The following TAS2R1 variants were observed in gnomAD, a reference collection of about 807,000 sequenced individuals.
TAS2R1 encodes the protein taste 2 receptor member 1.
For missense variants in TAS2R1, 370 were observed against 353.4 expected, an observed-to-expected ratio of 1.05 and a Z score of -0.38; for synonymous variants, 141 against 134.2, an observed-to-expected ratio of 1.05 and a Z score of -0.35.
chr5:9,737,503 G>C, the TAS2R1 span, among the ~76,000 whole-genome samples: 1 of 152,178 alleles, frequency 6.6e-6, no homozygotes, highest in Non-Finnish European at 1.5e-5. Context: ...GTTTTTGACA[G>C]ATGTCAGTCA....
At chr5:9,845,764 C>T in the TAS2R1 span, among the ~76,000 whole-genome samples, 25 of 152,290 alleles carry the variant, frequency 1.6e-4, no homozygotes, top group African/African-American at 4.6e-4. Context: ...GCAAAGTGTC[C>T]GCCAAATGCA....
the TAS2R1 span, among the ~76,000 whole-genome samples, chr5:9,778,159 C>A: frequency 5.9e-5 from 9 of 151,288 alleles, no homozygotes; most frequent in African/African-American, 1.9e-4. Flanking sequence ...GGATTACAGG[C>A]GTGAGCCACC....
intron 2 of TAS2R1, among the ~76,000 whole-genome samples, chr5:9,646,521 C>T (rs1038655614): frequency 1.3e-5 from 2 of 152,198 alleles, no homozygotes; most frequent in African/African-American, 2.4e-5. Context: ...TGCCCTGGTC[C>T]AAACTCAAAT....
chr5:9,835,729 G>A, the TAS2R1 span, among the ~76,000 whole-genome samples: 5 of 152,140 alleles, frequency 3.3e-5, no homozygotes, highest in Non-Finnish European at 5.9e-5. Context: ...GAGGGCCTGG[G>A]TTCAAATCCC....
At chr5:9,681,460 A>G (rs1489687424) in intron 1 of TAS2R1, among the ~76,000 whole-genome samples, 1 of 148,126 alleles carries the variant, frequency 6.8e-6, no homozygotes, top group Non-Finnish European at 1.5e-5. Flanking sequence ...AGTACTGAGT[A>G]CCATCTCTTA....
the TAS2R1 span, among the ~76,000 whole-genome samples, chr5:9,894,642 T>C: frequency 2.0e-5 from 3 of 152,200 alleles, no homozygotes; most frequent in East Asian, 5.8e-4. Flanking sequence ...AGTAATTTGT[T>C]ATGACAGCGC....
At chr5:9,778,931 T>G in the TAS2R1 span, among the ~76,000 whole-genome samples, 1 of 152,264 alleles carries the variant, frequency 6.6e-6, no homozygotes, top group Non-Finnish European at 1.5e-5. Flanking sequence ...TCCTTCGCAT[T>G]CACAGCTTGG....
chr5:9,673,783 C>G (rs75902614), intron 1 of TAS2R1, among the ~76,000 whole-genome samples: 21,656 of 151,960 alleles, frequency 0.14, 1,889 homozygotes, highest in South Asian at 0.21. Context: ...TGTGCACAAA[C>G]GAAATTCTTC....
the TAS2R1 span, among the ~76,000 whole-genome samples, chr5:9,860,754 C>T: frequency 6.6e-6 from 1 of 152,166 alleles, no homozygotes. Context: ...GCAAAGTTAC[C>T]CACTGGAGAG....
At chr5:9,713,375 G>A (rs1734737354), upstream of TAS2R1, among the ~76,000 whole-genome samples, 1 of 152,126 alleles carries the variant, frequency 6.6e-6, no homozygotes, top group African/African-American at 2.4e-5. Flanking sequence ...GAAACAGAAG[G>A]ATTTTCTGGG....
At chr5:9,887,729 C>G in the TAS2R1 span, among the ~76,000 whole-genome samples, 2 of 152,222 alleles carry the variant, frequency 1.3e-5, no homozygotes, top group Non-Finnish European at 2.9e-5. Flanking sequence ...CCTCGAGGAG[C>G]TCACAGGGAG....
chr5:9,672,585 C>A (rs186714951), intron 1 of TAS2R1, among the ~76,000 whole-genome samples: 7 of 152,138 alleles, frequency 4.6e-5, no homozygotes, highest in Non-Finnish European at 8.8e-5. Context: ...CAATGAGATA[C>A]TGTCTCACAC....
intron 1 of TAS2R1, among the ~76,000 whole-genome samples, chr5:9,686,601 G>T (rs754230879): frequency 7.2e-5 from 11 of 152,146 alleles, no homozygotes; most frequent in Non-Finnish European, 1.5e-4. Flanking sequence ...GACAAAGATG[G>T]GGGGAAGGGA....
chr5:9,869,038 T>C, the TAS2R1 span, among the ~76,000 whole-genome samples: 34 of 152,284 alleles, frequency 2.2e-4, no homozygotes, highest in African/African-American at 7.2e-4. Flanking sequence ...TCCCACATCT[T>C]CCTGTTTTCT....
In TAS2R1 at chr5:9,629,480, C is replaced by A. The variant is rs768402474; in HGVS notation, c.553G>T (p.Val185Leu). The A allele has an allele frequency of 6.2e-7, 1 of 1,614,144 alleles. No homozygotes were observed. The highest frequency in any genetic ancestry group is 1.1e-5 in the South Asian group (1 of 91,086). ...GCAAAAAGGAAGATAAGCAATGGCA[C>A]TGAGAACTCAGCAACAAAAGAGAAA... ...QIFSFVAEFS[V>L]PLLIFLFAVL... is the part of the protein sequence containing the mutation. Residue 185 changes from valine to leucine, a missense_variant, in exon 1 of 1, where the codon GTG (valine) becomes TTG (leucine). Val to Leu is a conservative substitution (Grantham distance 32). Transcript: ENST00000382492.
the TAS2R1 span, among the ~76,000 whole-genome samples, chr5:9,735,096 C>T: frequency 9.3e-5 from 14 of 151,284 alleles, no homozygotes; most frequent in Non-Finnish European, 1.8e-4. Flanking sequence ...CAGGAGAGAG[C>T]GAGCAAGGGG....
the TAS2R1 span, among the ~76,000 whole-genome samples, chr5:9,767,198 G>A: frequency 8.6e-5 from 13 of 151,684 alleles, no homozygotes; most frequent in Admixed American, 1.3e-4. Flanking sequence ...CTTGGCAAAT[G>A]GCATGCCCTC....
At chr5:9,659,756 G>C (rs1445299374) in intron 1 of TAS2R1, 1 of 152,092 alleles carries the variant, frequency 6.6e-6, no homozygotes, top group Non-Finnish European at 1.5e-5. Flanking sequence ...TCTCACGATA[G>C]CACCAACAGA....
At position 9,653,705 on chromosome 5, in the gene TAS2R1, C is replaced by G. The variant is rs533450526; in HGVS notation, c.-81+5716G>C. ...ACTTTCTGTTTGGATTTCCTAGGAT[C>G]TTAACCTCCAGAAAACATAAACAAA... On this transcript the variant is annotated intron_variant, in intron 2 of 2. Transcript: ENST00000506620. 2.8e-4 allele frequency among the ~76,000 whole-genome samples: 42 copies of G among 152,160 alleles called. 1 individual carries two copies. In the South Asian group the frequency reaches 7.9e-3, roughly 29 times the overall value.
Sources: gnomAD v4.1 joint callset for allele counts (sites outside exome capture counted in the v4.1 genomes callset) on GRCh38, gnomAD v4.1.1 for gene constraint, MANE v1.5 for transcripts, NCBI Gene and HGNC (gene_info 2026-07-23, HGNC 2026-07-21) for gene names.